Variants in TTN observed in about 807,000 individuals in gnomAD.
TTN encodes titin, also known as connectin.
Under a neutral mutation model 3,223.0 loss-of-function variants are expected in TTN, and 1,525 were observed. The ratio of observed to expected loss-of-function variants is 0.47; its 90% CI spans 0.45 to 0.49. TTN has a LOEUF of 0.49. TTN is among the 20% of genes least tolerant of loss of function. The pLI, the probability that TTN is intolerant of heterozygous loss-of-function variation, is 0.00. For missense variants in TTN, 40,786 were observed against 43,424.0 expected (o/e 0.94, Z 5.40); for synonymous variants, 14,094 against 15,161.0 (o/e 0.93, Z 5.17).
chr2:178,782,738 T>C (rs1236952923), intron 18 of TTN, 68 bp downstream of exon 18: 32 of 1,610,674 alleles, frequency 2.0e-5, no homozygotes, highest in Non-Finnish European at 2.6e-5. Context: ...AGAAACCATA[T>C]TGTGGAAAAG....
Position 178,640,539 on chromosome 2 carries a change from AC to A in TTN, c.40723+1del, listed in dbSNP as rs876658058. ...CAACTAAGAATGACAGTAGATTTGT[AC>A]CTTTTGTTGGTTCAGGAATCTTCCT... On this transcript the variant is annotated splice_donor_variant, in intron 221 of 362. Transcript: ENST00000589042. LOFTEE classifies it high-confidence loss of function. The A allele has an allele frequency of 6.9e-6, 11 of 1,602,320 alleles. No individual in the cohort carries two copies. The highest frequency in any genetic ancestry group is 9.4e-6 in the Non-Finnish European group (11 of 1,175,084).
rs367807708 is a variant in TTN at position 178,549,585 on chromosome 2, C to G, written c.92137G>C (p.Ala30713Pro). The G allele has an allele frequency of 5.0e-6, 8 of 1,612,286 alleles. No individual in the cohort carries two copies. The African/African-American group carries it at 1.1e-4, about 22-fold the overall frequency. The change falls in exon 338 of 363, where the codon GCT (alanine) becomes CCT (proline). Residue 30713 changes from alanine to proline, a missense_variant. Transcript: ENST00000589042. The part of the protein sequence containing the change: ...GRPLDSDPVV[A>P]QIQYTVPDAP... ...GCAAACTTACTATATTGTATTTGAG[C>G]AACCACTGGATCAGAATCAAGTGGC... is the stretch of plus-strand genomic sequence containing the variant.
In TTN at chr2:178,732,502, T is replaced by C; in HGVS notation, c.16559A>G (p.Tyr5520Cys). The change falls in exon 56 of 363, where the codon TAC becomes TGC. Residue 5520 changes from tyrosine to cysteine, a missense_variant. Coordinates refer to ENST00000589042, the MANE Select transcript of TTN (RefSeq NM_001267550.2). Reference sequence around the variant, plus strand: ...AGCGACATTGCTGACTTTACATGTGTACGTGCCCGAATCAGAGGTTTTTAC... The same window carrying C: ...AGCGACATTGCTGACTTTACATGTGCACGTGCCCGAATCAGAGGTTTTTAC... ...YLVKTSDSGT[Y>C]TCKVSNVAGG... is the part of the protein sequence containing the mutation. 6.2e-7 allele frequency: 1 copy of C among 1,613,740 alleles called. No individual in the cohort carries two copies. Among genetic ancestry groups the C allele is most frequent in the East Asian group, 2.2e-5 (1 of 44,840 alleles).
At position 178,690,419 on chromosome 2, in the gene TTN, A is replaced by C. The variant is rs116405702; in HGVS notation, c.31763-523T>G. Among the ~76,000 whole-genome samples the C allele has an allele frequency of 1.8e-3, 270 of 152,278 alleles. 2 individuals carry two copies. The highest frequency in any genetic ancestry group is 6.2e-3 in the African/African-American group (258 of 41,562). On this transcript the variant is annotated intron_variant, in intron 121 of 362. Transcript: ENST00000589042. Reference sequence around the variant, plus strand: ...GAATTCAAAACTCAGGAAACACTCTAGAGTAGGTCTCTCAATCTGATACCC... The same window carrying C: ...GAATTCAAAACTCAGGAAACACTCTCGAGTAGGTCTCTCAATCTGATACCC...
rs72677219 is a variant in TTN at position 178,622,411 on chromosome 2, A to T, written c.44913+259T>A. On this transcript the variant is annotated intron_variant, in intron 243 of 362. Coordinates refer to ENST00000589042, the MANE Select transcript of TTN (RefSeq NM_001267550.2). ...CTGATATTTGACTTTCTGATCTAAG[A>T]AAACAGCACTTTCATATGGTTCAAA... is the stretch of plus-strand genomic sequence containing the variant. Among the ~76,000 whole-genome samples, 3,528 of 151,990 alleles carry T rather than the reference A, an allele frequency of 0.023. 73 individuals carry two copies. Among genetic ancestry groups the T allele is most frequent in the East Asian group, 0.096 (492 of 5,108 alleles).
intron 47 of TTN, chr2:178,748,335 C>T (rs933453861): frequency 6.2e-7 from 1 of 1,613,058 alleles, no homozygotes; most frequent in Admixed American, 1.7e-5. Flanking sequence ...CTACTTTTCT[C>T]CACCATAGTT....
In TTN at chr2:178,587,610, G is replaced by C; in HGVS notation, c.63699C>G (p.Ile21233Met). The change falls in exon 306 of 363, where the codon ATC (isoleucine) becomes ATG (methionine). Residue 21233 changes from isoleucine (I) to methionine (M), a missense_variant. Ile to Met is a conservative substitution (Grantham distance 10, BLOSUM62 1). Coordinates refer to ENST00000589042, the MANE Select transcript of TTN (RefSeq NM_001267550.2). ...DLVDTMAFLV[I>M]PNSTRDDSGK... ...CTGAGTCATCACGGGTAGAATTGGG[G>C]ATGACAAGGAAGGCCATAGTGTCAA... 6.2e-7 allele frequency: 1 copy of C among 1,612,604 alleles called. No homozygotes were observed. The highest frequency in any genetic ancestry group is 8.5e-7 in the Non-Finnish European group (1 of 1,179,384).
Position 178,605,648 on chromosome 2 carries a change from A to G in TTN, c.53647T>C (p.Trp17883Arg). ...ERTKSTITLDWKEPRSNGGSP... is the reference protein window; with the variant it reads ...ERTKSTITLDRKEPRSNGGSP... ...CCACCATTACTGCGGGGCTCTTTCC[A>G]GTCAAGTGTGATAGTGGACTTTGTC... The change falls in exon 279 of 363, where the codon TGG (tryptophan) becomes CGG (arginine). Residue 17883 changes from tryptophan to arginine, a missense_variant. Trp to Arg is a moderately radical substitution (Grantham distance 101). Coordinates refer to ENST00000589042, the MANE Select transcript of TTN (RefSeq NM_001267550.2). 1 of 1,610,954 alleles carries G rather than the reference A, an allele frequency of 6.2e-7. No individual in the cohort carries two copies. Among genetic ancestry groups the G allele is most frequent in the Non-Finnish European group, 8.5e-7 (1 of 1,177,972 alleles).
chr2:178,594,185 G>C lies in TTN; in HGVS notation c.58208C>G (p.Ala19403Gly), dbSNP rs573503792. The C allele has an allele frequency of 1.1e-5, 17 of 1,613,346 alleles. No individual in the cohort carries two copies. In the African/African-American group the frequency reaches 1.6e-4, roughly 15 times the overall value. ...TGAGTAACGGCCAGTGAGGGCAAAA[G>C]CTTCACCAACTCGAATCGTGAGCTT... The part of the protein sequence containing the change: ...RDKLTIRVGE[A>G]FALTGRYSGK... The change falls in exon 297 of 363, where the codon GCT becomes GGT. Residue 19403 changes from alanine (A) to glycine (G), a missense_variant. Physicochemically the swap from Ala to Gly is moderately conservative, Grantham distance 60. Transcript: ENST00000589042.
At chr2:178,689,185 G>A in intron 124 of TTN, 49 bp from the exon 125 acceptor site, 1 of 1,589,092 alleles carries the variant, frequency 6.3e-7, no homozygotes, top group Non-Finnish European at 8.6e-7. Flanking sequence ...TCTCATTGAA[G>A]CCCAGTGCAA....
At chr2:178,692,659 G>T in intron 119 of TTN, 79 bp from the exon 120 acceptor site, 1 of 1,115,010 alleles carries the variant, frequency 9.0e-7, no homozygotes, top group South Asian at 1.9e-5. Context: ...GAATTAAATA[G>T]AGATTCCCTT....
intron 47 of TTN, chr2:178,750,066 G>A (rs761415984): frequency 6.8e-6 from 11 of 1,613,102 alleles, no homozygotes; most frequent in Non-Finnish European, 9.3e-6. Context: ...TCTGGGATAG[G>A]AGTAGCTGCT....
rs563766812 is a variant in TTN, at chr2:178,719,222, C to T, written c.24168G>A (p.Thr8056=). The T allele has an allele frequency of 1.5e-5, 24 of 1,613,742 alleles. No homozygotes were observed. The highest frequency in any genetic ancestry group is 1.3e-4 in the East Asian group (6 of 44,860). ...LLEPSDTGIY[T]CVAANVAGSD... Reference sequence around the variant, plus strand: ...AACCAGCTACATTGGCAGCCACACACGTGTATATGCCTGTGTCGGAGGGCT... The same window carrying T: ...AACCAGCTACATTGGCAGCCACACATGTGTATATGCCTGTGTCGGAGGGCT... Residue 8056 remains threonine, a synonymous_variant, in exon 83 of 363, where the codon ACG becomes ACA. Transcript: ENST00000589042.
chr2:178,751,870 A>G, intron 47 of TTN: 1 of 1,608,200 alleles, frequency 6.2e-7, no homozygotes, highest in South Asian at 1.1e-5. Context: ...ATTTAAATGT[A>G]AGTTTCTGGG....
intron 332 of TTN, 69 bp from the exon 333 acceptor site, chr2:178,554,285 C>A: frequency 1.4e-6 from 2 of 1,469,994 alleles, no homozygotes; most frequent in South Asian, 2.7e-5. Flanking sequence ...CTTTGATGTT[C>A]GCATTCTTTC....
chr2:178,566,195 G>T lies in TTN; in HGVS notation c.79937C>A (p.Thr26646Asn), dbSNP rs1231567594. 1 of 1,613,674 alleles carries T rather than the reference G, an allele frequency of 6.2e-7. No individual in the cohort carries two copies. Among genetic ancestry groups the T allele is most frequent in the African/African-American group, 1.3e-5 (1 of 75,016 alleles). Residue 26646 changes from threonine (T) to asparagine (N), a missense_variant, in exon 326 of 363, where the codon ACC (threonine) becomes AAC (asparagine). Transcript: ENST00000589042. ...KVQIEKGVNYTQLSIDNCDRN... is the reference protein window; with the variant it reads ...KVQIEKGVNYNQLSIDNCDRN... ...ATCACAGTTATCTATTGATAGTTGGGTATAGTTTACTCCCTTTTCAATTTG... is the reference window on the plus strand; with the variant it reads ...ATCACAGTTATCTATTGATAGTTGGTTATAGTTTACTCCCTTTTCAATTTG...
chr2:178,749,999 A>T, intron 47 of TTN: 1 of 1,613,238 alleles, frequency 6.2e-7, no homozygotes, highest in African/African-American at 1.3e-5. Context: ...ATCTTGAGGC[A>T]TTGCTTTAGG....
In TTN at chr2:178,544,250, C is replaced by T; in HGVS notation, c.95979G>A (p.Met31993Ile). Reference protein sequence around the residue: ...FRVAAVNVKGMSEYSESIAEI... With the variant: ...FRVAAVNVKGISEYSESIAEI... Reference sequence around the variant, plus strand: ...CAGCAATTGATTCGCTGTATTCGCTCATACCCTTCACGTTCACGGCAGCAA... The same window carrying T: ...CAGCAATTGATTCGCTGTATTCGCTTATACCCTTCACGTTCACGGCAGCAA... Residue 31993 changes from methionine to isoleucine, a missense_variant, in exon 345 of 363, where the codon ATG (methionine) becomes ATA (isoleucine). Physicochemically the swap from Met to Ile is conservative, Grantham distance 10. Coordinates refer to ENST00000589042, the MANE Select transcript of TTN (RefSeq NM_001267550.2). The T allele has an allele frequency of 6.2e-7, 1 of 1,613,800 alleles. No individual in the cohort carries two copies. Among genetic ancestry groups the T allele is most frequent in the African/African-American group, 1.3e-5 (1 of 75,038 alleles).
In TTN at chr2:178,592,021, A is replaced by G; in HGVS notation, c.59883T>C (p.Pro19961=). 6.2e-7 allele frequency: 1 copy of G among 1,613,050 alleles called. No individual in the cohort carries two copies. Among genetic ancestry groups the G allele is most frequent in the Non-Finnish European group, 8.5e-7 (1 of 1,179,484 alleles). The change falls in exon 302 of 363, where the codon CCT becomes CCC. Residue 19961 remains proline, a synonymous_variant. Transcript: ENST00000589042. Reference sequence around the variant, plus strand: ...TGATTGGTTTTGGTGTTTCAACAAAAGGACCACGTCCATACTGGTTCTCCG... The same window carrying G: ...TGATTGGTTTTGGTGTTTCAACAAAGGGACCACGTCCATACTGGTTCTCCG... ...VAAENQYGRG[P]FVETPKPIKA... is the part of the protein sequence containing the mutation.
Sources: allele counts gnomAD v4.1 joint callset (sites outside exome capture counted in the v4.1 genomes callset), GRCh38; gene constraint gnomAD v4.1.1; transcripts MANE v1.5; gene names NCBI Gene and HGNC (gene_info 2026-07-23, HGNC 2026-07-21).